The following PPP6C variants were observed in gnomAD, a reference collection of about 807,000 sequenced individuals.
The protein encoded by PPP6C is protein phosphatase 6 catalytic subunit.
Under a neutral mutation model 39.8 loss-of-function variants are expected in PPP6C, and 11 were observed. The observed-to-expected ratio is 0.28, with a 90% CI of 0.17 to 0.46. The LOEUF (loss-of-function observed/expected upper bound fraction) is 0.46, where lower values mean the gene tolerates loss of function less well. Among genes scored for constraint, PPP6C ranks in the 20% least tolerant of loss-of-function variants. The probability of loss-of-function intolerance (pLI) is 1.00; values close to 1 mark genes in which losing one functional copy is unlikely to be tolerated. For synonymous variants in PPP6C, 129 were observed against 130.3 expected (o/e 0.99, Z 0.07); for missense variants, 211 against 373.9 (o/e 0.56, Z 3.59).
At chr9:125,188,369 A>G (rs1016246802) in intron 1 of PPP6C, among the ~76,000 whole-genome samples, 4 of 152,126 alleles carry the variant, frequency 2.6e-5, no homozygotes, top group African/African-American at 9.7e-5. Context: ...TGGGCGACAG[A>G]GCGAGACTCC....
intron 1 of PPP6C, among the ~76,000 whole-genome samples, chr9:125,183,331 C>G (rs1359974657): frequency 6.6e-6 from 1 of 152,178 alleles, no homozygotes; most frequent in Non-Finnish European, 1.5e-5. Context: ...TTCTTAAAAA[C>G]TCCTCAAGCG....
chr9:125,166,820 C>T (rs566648930), intron 2 of PPP6C, among the ~76,000 whole-genome samples: 2 of 152,248 alleles, frequency 1.3e-5, no homozygotes, highest in African/African-American at 4.8e-5. Flanking sequence ...CAACCCACAA[C>T]TACTTTTCCT....
rs1182479998 is a variant in PPP6C, at chr9:125,146,940, A to C, written c.*2733T>G. ...CTGGTTCTGGGCTTACAAAGCACAC[A>C]CACACAAATCTTAATGCAATGAACA... On this transcript the variant is annotated 3_prime_UTR_variant, in exon 7 of 7. Coordinates refer to ENST00000373547, the MANE Select transcript of PPP6C (RefSeq NM_002721.5). 6.6e-6 allele frequency: 1 copy of C among 152,212 alleles called. No homozygotes were observed. Among genetic ancestry groups the C allele is most frequent in the African/African-American group, 2.4e-5 (1 of 41,454 alleles). 9.4% of individuals were successfully genotyped at this position (152,212 alleles called of 1,614,324 possible).
chr9:125,177,582 C>A (rs1331258193), intron 1 of PPP6C, among the ~76,000 whole-genome samples: 2 of 151,972 alleles, frequency 1.3e-5, no homozygotes, highest in Non-Finnish European at 2.9e-5. Context: ...TGCAGAGTTC[C>A]CATATACCCC....
intron 1 of PPP6C, among the ~76,000 whole-genome samples, chr9:125,186,881 G>A (rs1829540805): frequency 6.7e-6 from 1 of 150,142 alleles, no homozygotes; most frequent in African/African-American, 2.5e-5. Context: ...AAGGTAAGAA[G>A]GAAATCTAAT....
intron 4 of PPP6C, among the ~76,000 whole-genome samples, chr9:125,156,023 G>GTTTTAGTACT (rs929875400): frequency 1.1e-4 from 16 of 151,494 alleles, no homozygotes; most frequent in African/African-American, 3.9e-4. Flanking sequence ...TATAACATTA[G>GTTTTAGTACT]TTTTAGTACT....
chr9:125,181,601 CTG>C (rs1489563505), intron 1 of PPP6C, among the ~76,000 whole-genome samples: 4 of 152,088 alleles, frequency 2.6e-5, no homozygotes, highest in Non-Finnish European at 4.4e-5. Context: ...TTTTCTGTTC[CTG>C]TGTTAGTTTG....
At position 125,171,180 on chromosome 9, in the gene PPP6C, G is replaced by A. The variant is rs551727025; in HGVS notation, c.76C>T (p.Arg26Trp). Residue 26 changes from arginine (R) to tryptophan (W), a missense_variant and splice_region_variant, in exon 2 of 7, where the codon CGG (arginine) becomes TGG (tryptophan). Transcript: ENST00000373547. The part of the protein sequence containing the change: ...CKYLPENDLK[R>W]LCDYVCDLLL... The stretch of plus-strand genomic sequence containing the variant: ...AGGTCACAAACGTAGTCACATAGCC[G>A]CTATAAAAAGAGAAAATAAAAGGTA... The A allele has an allele frequency of 5.8e-6, 9 of 1,554,552 alleles. No individual in the cohort carries two copies. The highest frequency in any genetic ancestry group is 2.8e-5 in the African/African-American group (2 of 72,248).
chr9:125,163,939 C>T (rs1368483926), intron 2 of PPP6C, among the ~76,000 whole-genome samples: 1 of 151,506 alleles, frequency 6.6e-6, no homozygotes, highest in African/African-American at 2.4e-5. Context: ...CCTCCACCTC[C>T]TGGGTTCAAG....
chr9:125,153,491 T>C, intron 6 of PPP6C, 42 bp downstream of exon 6: 1 of 1,572,310 alleles, frequency 6.4e-7, no homozygotes, highest in Non-Finnish European at 8.7e-7. Context: ...ATGCAGCCCA[T>C]TAGCAATCCA....
At chr9:125,187,184 T>A (rs1829548530) in intron 1 of PPP6C, among the ~76,000 whole-genome samples, 1 of 151,798 alleles carries the variant, frequency 6.6e-6, no homozygotes, top group South Asian at 2.1e-4. Flanking sequence ...TGACCTCAAG[T>A]GATCCACCTG....
chr9:125,159,348 C>A (rs1400219701), intron 3 of PPP6C, among the ~76,000 whole-genome samples: 1 of 151,010 alleles, frequency 6.6e-6, no homozygotes, highest in Non-Finnish European at 1.5e-5. Context: ...TGCGCCCGGC[C>A]AAGTAATTTA....
intron 1 of PPP6C, chr9:125,188,998 A>T (rs1380948803): frequency 7.2e-7 from 1 of 1,389,528 alleles, no homozygotes; most frequent in Non-Finnish European, 1.0e-6. Flanking sequence ...TTGAGAACCA[A>T]CTACTTTATC....
chr9:125,164,507 C>T (rs1026201119), intron 2 of PPP6C, among the ~76,000 whole-genome samples: 5 of 152,070 alleles, frequency 3.3e-5, no homozygotes, highest in African/African-American at 9.7e-5. Flanking sequence ...GGATTACAGG[C>T]GTGAGCCACT....
At chr9:125,170,340 G>A (rs1174279142) in intron 2 of PPP6C, among the ~76,000 whole-genome samples, 1 of 151,774 alleles carries the variant, frequency 6.6e-6, no homozygotes, top group Non-Finnish European at 1.5e-5. Flanking sequence ...GGGTTCAAGA[G>A]ATTCTCCTGC....
At chr9:125,152,931 T>C (rs7867749) in intron 6 of PPP6C, among the ~76,000 whole-genome samples, 33,478 of 151,142 alleles carry the variant, frequency 0.22, 4,430 homozygotes, top group Non-Finnish European at 0.3. Flanking sequence ...AAAAAAAGTA[T>C]TGCCTATCTT....
chr9:125,189,486 A>G, intron 1 of PPP6C, 158 bp downstream of exon 1: 1 of 1,449,080 alleles, frequency 6.9e-7, no homozygotes, highest in Non-Finnish European at 9.1e-7. Flanking sequence ...GGCTCGCGAG[A>G]CCCTCGGCGT....
At chr9:125,189,382 G>A (rs1325321029) in intron 1 of PPP6C, among the ~76,000 whole-genome samples, 1 of 152,240 alleles carries the variant, frequency 6.6e-6, no homozygotes, top group Non-Finnish European at 1.5e-5. Context: ...GGGTCCTGGG[G>A]CAGCCCGAAG....
intron 1 of PPP6C, among the ~76,000 whole-genome samples, chr9:125,171,491 ATATATATATATATATATATATATATG>A (rs1564154143): frequency 1.7e-4 from 15 of 88,602 alleles, no homozygotes; most frequent in East Asian, 1.4e-3. Flanking sequence ...ATATATATAT[ATATATATATATATATATATATATATG>A]AAGAAATAAT....
Sources: gnomAD v4.1 joint callset for allele counts (sites outside exome capture counted in the v4.1 genomes callset) on GRCh38, gnomAD v4.1.1 for gene constraint, MANE v1.5 for transcripts, NCBI Gene and HGNC (gene_info 2026-07-23, HGNC 2026-07-21) for gene names.